The following GSN variants were observed in gnomAD, a reference collection of about 807,000 sequenced individuals.
The protein encoded by GSN is gelsolin.
Under a neutral mutation model 85.7 loss-of-function variants are expected in GSN, and 56 were observed. That is an observed-to-expected ratio of 0.65 (90% CI 0.53 to 0.82). GSN has a LOEUF of 0.82. Among genes scored for constraint, GSN ranks in the 40% least tolerant of loss-of-function variants. GSN has a pLI of 0.00. For synonymous variants in GSN, 373 were observed against 399.1 expected, an observed-to-expected ratio of 0.93 and a Z score of 0.78; for missense variants, 857 against 979.8, an observed-to-expected ratio of 0.87 and a Z score of 1.67.
intron 4 of GSN, among the ~76,000 whole-genome samples, chr9:121,215,218 C>G (rs993533297): frequency 7.0e-6 from 1 of 142,508 alleles, no homozygotes; most frequent in East Asian, 2.1e-4. Context: ...ATTAAGGACC[C>G]CCCCCCCCAC....
At chr9:121,307,248 G>A (rs986025661) in intron 4 of GSN, among the ~76,000 whole-genome samples, 3 of 152,116 alleles carry the variant, frequency 2.0e-5, no homozygotes, top group African/African-American at 7.2e-5. Context: ...ATGACATGAA[G>A]CAACCCTTTT....
intron 2 of GSN, among the ~76,000 whole-genome samples, chr9:121,290,303 G>A (rs2058564133): frequency 6.6e-6 from 1 of 152,150 alleles, no homozygotes; most frequent in Admixed American, 6.5e-5. Context: ...TTTAGGTGCT[G>A]GATCTTGTTT....
At chr9:121,288,552 C>T (rs1053867729) in intron 2 of GSN, among the ~76,000 whole-genome samples, 47 of 152,300 alleles carry the variant, frequency 3.1e-4, no homozygotes, top group Non-Finnish European at 2.1e-4. Context: ...CTTTAATCCT[C>T]GGTGAATGTG....
chr9:121,251,804 C>G (rs1260466480), intron 6 of GSN, among the ~76,000 whole-genome samples: 3 of 151,600 alleles, frequency 2.0e-5, no homozygotes. Flanking sequence ...ATTAAAAATA[C>G]AAAAAAATTA....
chr9:121,276,337 T>TTCCTCATCTG (rs1554787464), intron 1 of GSN, among the ~76,000 whole-genome samples: 1 of 152,228 alleles, frequency 6.6e-6, no homozygotes, highest in African/African-American at 2.4e-5. Context: ...AGGACCTATT[T>TTCCTCATCTG]TCCTCATCTG....
chr9:121,324,312 C>A (rs2062876379), intron 11 of GSN, among the ~76,000 whole-genome samples: 1 of 152,362 alleles, frequency 6.6e-6, no homozygotes, highest in Admixed American at 6.5e-5. Flanking sequence ...TCCTGTGGGA[C>A]ACATTTAGCA....
At chr9:121,295,064 G>A (rs926733099) in intron 2 of GSN, among the ~76,000 whole-genome samples, 2 of 152,106 alleles carry the variant, frequency 1.3e-5, no homozygotes, top group Admixed American at 6.6e-5. Context: ...CGTTTCTCCC[G>A]CACCATCACA....
At chr9:121,284,930 G>T (rs913766) in intron 2 of GSN, 1 of 167,438 alleles carries the variant, frequency 6.0e-6, no homozygotes. Context: ...CATCCTCAAC[G>T]CCCCTTTCTG....
chr9:121,286,058 G>T lies in GSN; in HGVS notation c.-10+4496G>T. On this transcript the variant is annotated intron_variant, in intron 2 of 17. Coordinates refer to ENST00000432226, the MANE Select transcript of GSN (RefSeq NM_198252.3). ...AGTTGGCTTGGCACAGCTATTTCCA[G>T]ACTAATCCTGAGTCCTATTTATAGG... 2.7e-6 allele frequency: 4 copies of T among 1,486,642 alleles called. No homozygotes were observed. The East Asian group carries it at 7.4e-5, about 27-fold the overall frequency. 92.1% of individuals were successfully genotyped at this position (1,486,642 alleles called of 1,614,324 possible).
At chr9:121,325,936 C>T (rs759302635) in intron 12 of GSN, among the ~76,000 whole-genome samples, 6 of 151,892 alleles carry the variant, frequency 4.0e-5, no homozygotes, top group South Asian at 2.1e-4. Context: ...ATATGCCTGA[C>T]GTACATGTGA....
chr9:121,290,706 G>A (rs11999632), intron 2 of GSN, among the ~76,000 whole-genome samples: 5,826 of 152,266 alleles, frequency 0.038, 400 homozygotes, highest in African/African-American at 0.13. Context: ...TTTCAATGAC[G>A]AAAACTGCAA....
At chr9:121,235,967 A>G (rs1156402585) in intron 5 of GSN, among the ~76,000 whole-genome samples, 1 of 152,198 alleles carries the variant, frequency 6.6e-6, no homozygotes, top group Admixed American at 6.5e-5. Context: ...GGACTGCCAT[A>G]ACAAAGTATC....
rs1341524965 is a variant in GSN at position 121,312,748 on chromosome 9, C to T, written c.663+260C>T. 3 of 283,356 alleles carry T rather than the reference C, an allele frequency of 1.1e-5. No homozygotes were observed. In the East Asian group the frequency reaches 2.2e-4, roughly 21 times the overall value. The allele number at this position is 283,356 out of a possible 1,614,324, so 17.6% of individuals were successfully genotyped here. On this transcript the variant is annotated intron_variant, in intron 6 of 17. Transcript: ENST00000432226. ...GCTCAAGTGATCCTCCTGCCTCAGC[C>T]TCCCGAGTAGCTGGGACCACAGGCG... is the stretch of plus-strand genomic sequence containing the variant.
intron 1 of GSN, chr9:121,281,069 G>A (rs2057306662): frequency 6.2e-6 from 1 of 160,824 alleles, no homozygotes. Context: ...CGGAAACCCT[G>A]GTCTCAGGAA....
At chr9:121,229,375 C>T (rs2054341955) in intron 4 of GSN, among the ~76,000 whole-genome samples, 1 of 152,140 alleles carries the variant, frequency 6.6e-6, no homozygotes. Flanking sequence ...CATGCGCCAC[C>T]ACACCCGGCT....
chr9:121,305,658 CG>C (rs2060329688), intron 4 of GSN, among the ~76,000 whole-genome samples: 2 of 152,136 alleles, frequency 1.3e-5, no homozygotes, highest in African/African-American at 4.8e-5. Flanking sequence ...CCCGGCCCCC[CG>C]ATGATTTTCC....
chr9:121,290,197 T>C (rs2058552699), intron 2 of GSN, among the ~76,000 whole-genome samples: 1 of 152,040 alleles, frequency 6.6e-6, no homozygotes, highest in South Asian at 2.1e-4. Flanking sequence ...GTGCTGGTGA[T>C]TGGGCAGGTG....
rs552652499 is a variant in GSN at position 121,234,153 on chromosome 9, C to T, written c.-389+2850C>T. On this transcript the variant is annotated intron_variant, in intron 5 of 24. Coordinates refer to the GSN transcript ENST00000373823. Reference sequence around the variant, plus strand: ...TCCTGTAGAAGGTTATTTAAAGCCACCACATGTGGCTTCTTCTTGTATTCC... The same window carrying T: ...TCCTGTAGAAGGTTATTTAAAGCCATCACATGTGGCTTCTTCTTGTATTCC... Among the ~76,000 whole-genome samples the T allele has an allele frequency of 5.7e-5, 7 of 123,460 alleles. No homozygotes were observed. The South Asian group carries it at 2.0e-3, about 35-fold the overall frequency. The allele number at this position is 123,460 out of a possible 152,430, so 81.0% of individuals were successfully genotyped here.
intron 5 of GSN, among the ~76,000 whole-genome samples, chr9:121,235,006 G>A (rs890517410): frequency 2.6e-5 from 4 of 152,296 alleles, no homozygotes; most frequent in East Asian, 1.9e-4. Flanking sequence ...AGAGGGAGGC[G>A]CAGAGGAAAG....
Sources: allele counts gnomAD v4.1 joint callset (sites outside exome capture counted in the v4.1 genomes callset), GRCh38; gene constraint gnomAD v4.1.1; transcripts MANE v1.5; gene names NCBI Gene and HGNC (gene_info 2026-07-23, HGNC 2026-07-21).